Variants in PRKCQ observed in about 807,000 individuals in gnomAD.
PRKCQ encodes the protein protein kinase C theta.
A neutral mutation model predicts 91.2 loss-of-function variants in PRKCQ; 41 were observed. The ratio of observed to expected loss-of-function variants is 0.45; its 90% CI spans 0.35 to 0.58. PRKCQ has a LOEUF of 0.58. Ranked by LOEUF, PRKCQ falls within the 20% of genes least tolerant of loss-of-function variation. PRKCQ has a pLI of 0.00. For missense variants in PRKCQ, 673 were observed against 896.5 expected (o/e 0.75, Z 3.18); for synonymous variants, 307 against 316.9 (o/e 0.97, Z 0.33).
At chr10:6,492,974 A>G (rs745708602) in intron 7 of PRKCQ, among the ~76,000 whole-genome samples, 1 of 152,092 alleles carries the variant, frequency 6.6e-6, no homozygotes, top group Non-Finnish European at 1.5e-5. Context: ...ATTGCTCAGC[A>G]CTTACTACAG....
intron 2 of PRKCQ, among the ~76,000 whole-genome samples, chr10:6,511,812 A>G (rs549229204): frequency 1.4e-4 from 21 of 152,292 alleles, no homozygotes; most frequent in African/African-American, 5.1e-4. Flanking sequence ...AACTCAGATA[A>G]AACAAATGTA....
In PRKCQ at chr10:6,550,937, C is replaced by T. The variant is rs368691181; in HGVS notation, c.-10+29274G>A. Among the ~76,000 whole-genome samples the T allele has an allele frequency of 1.7e-4, 26 of 152,292 alleles. No individual in the cohort carries two copies. In the East Asian group the frequency reaches 2.3e-3, roughly 14 times the overall value. The stretch of plus-strand genomic sequence containing the variant: ...AAGGCAATATCTCCTTTGATTTGCA[C>T]TTCTCTAATGGGATTATAATTTGTA... On this transcript the variant is annotated intron_variant, in intron 1 of 17. Transcript: ENST00000263125.
At chr10:6,496,828 C>A (rs1837637868) in intron 7 of PRKCQ, among the ~76,000 whole-genome samples, 1 of 152,088 alleles carries the variant, frequency 6.6e-6, no homozygotes, top group Non-Finnish European at 1.5e-5. Flanking sequence ...GCTTATGCCA[C>A]CAGGCCTGGC....
In PRKCQ at chr10:6,559,044, C is replaced by T. The variant is rs78495656; in HGVS notation, c.-10+21167G>A. On this transcript the variant is annotated intron_variant, in intron 1 of 17. Coordinates refer to ENST00000263125, the MANE Select transcript of PRKCQ (RefSeq NM_006257.5). Reference sequence around the variant, plus strand: ...ATGAGTGGGAATTAATCAGGCAATTCTTGGGGTTCTTTCTACTCATTGGCC... The same window carrying T: ...ATGAGTGGGAATTAATCAGGCAATTTTTGGGGTTCTTTCTACTCATTGGCC... Among the ~76,000 whole-genome samples the T allele has an allele frequency of 9.0e-3, 1,365 of 152,266 alleles. 18 individuals carry two copies. The highest frequency in any genetic ancestry group is 0.031 in the African/African-American group (1,284 of 41,528).
intron 1 of PRKCQ, among the ~76,000 whole-genome samples, chr10:6,530,931 T>G (rs1249479194): frequency 6.6e-6 from 1 of 152,232 alleles, no homozygotes; most frequent in African/African-American, 2.4e-5. Context: ...CTGTGACGTT[T>G]CAGAGTTACT....
At chr10:6,563,164 A>G (rs775463972) in intron 1 of PRKCQ, among the ~76,000 whole-genome samples, 11 of 151,964 alleles carry the variant, frequency 7.2e-5, no homozygotes, top group Non-Finnish European at 1.6e-4. Context: ...GAGTGAAGAT[A>G]TTCAGTCGAA....
chr10:6,460,647 A>G (rs745929564), intron 14 of PRKCQ, among the ~76,000 whole-genome samples: 6 of 152,160 alleles, frequency 3.9e-5, no homozygotes, highest in Non-Finnish European at 5.9e-5. Context: ...AAGGGCCACT[A>G]CACCCAGCTA....
At position 6,575,842 on chromosome 10, in the gene PRKCQ, C is replaced by A. The variant is rs1588441397; in HGVS notation, c.-10+4369G>T. 2.0e-5 allele frequency among the ~76,000 whole-genome samples: 3 copies of A among 152,276 alleles called. No homozygotes were observed. The South Asian group carries it at 6.2e-4, about 32-fold the overall frequency. On this transcript the variant is annotated intron_variant, in intron 1 of 17. Coordinates refer to ENST00000263125, the MANE Select transcript of PRKCQ (RefSeq NM_006257.5). ...GGATCATGAGGTCAAGAGATCGAGA[C>A]CATCTTGGCCAACATGGTGAAACCC...
chr10:6,484,427 A>C (rs577725362), intron 10 of PRKCQ, among the ~76,000 whole-genome samples: 1 of 152,122 alleles, frequency 6.6e-6, no homozygotes, highest in Non-Finnish European at 1.5e-5. Flanking sequence ...AAAAGAAAAA[A>C]AAAAGATGCT....
At chr10:6,545,393 A>T (rs1234232487) in intron 1 of PRKCQ, among the ~76,000 whole-genome samples, 1 of 152,260 alleles carries the variant, frequency 6.6e-6, no homozygotes, top group Non-Finnish European at 1.5e-5. Context: ...GTTAAACTGG[A>T]ATATTCTTGA....
At chr10:6,563,027 G>C (rs1249191693) in intron 1 of PRKCQ, among the ~76,000 whole-genome samples, 1 of 151,878 alleles carries the variant, frequency 6.6e-6, no homozygotes, top group African/African-American at 2.4e-5. Flanking sequence ...TTCTTTCAAG[G>C]TGGGCTTCCT....
chr10:6,450,362 T>A (rs1380630682), intron 15 of PRKCQ, among the ~76,000 whole-genome samples: 2 of 125,026 alleles, frequency 1.6e-5, no homozygotes, highest in Non-Finnish European at 3.3e-5. Flanking sequence ...AAGGGATCAA[T>A]TCAACAAGAA....
the PRKCQ span, among the ~76,000 whole-genome samples, chr10:6,400,551 C>T: frequency 1.3e-5 from 2 of 151,766 alleles, no homozygotes; most frequent in South Asian, 2.1e-4. Flanking sequence ...AGCAATCCCA[C>T]GTCCCGTGTC....
chr10:6,488,909 A>G (rs1837097210), intron 8 of PRKCQ, among the ~76,000 whole-genome samples: 1 of 151,848 alleles, frequency 6.6e-6, no homozygotes, highest in South Asian at 2.1e-4. Context: ...CCTCTTGTGT[A>G]GCTGAGACCA....
intron 16 of PRKCQ, among the ~76,000 whole-genome samples, chr10:6,432,904 TC>T (rs1473410880): frequency 1.3e-5 from 2 of 152,042 alleles, no homozygotes; most frequent in Non-Finnish European, 2.9e-5. Context: ...GACTCCTGCT[TC>T]CCTCCCCTCA....
chr10:6,523,552 A>C (rs1483027281), intron 1 of PRKCQ, among the ~76,000 whole-genome samples: 1 of 152,222 alleles, frequency 6.6e-6, no homozygotes, highest in Non-Finnish European at 1.5e-5. Context: ...GTCAACCCTC[A>C]GTCAGAACTA....
chr10:6,453,569 G>A (rs1834830217), intron 15 of PRKCQ, among the ~76,000 whole-genome samples: 1 of 152,090 alleles, frequency 6.6e-6, no homozygotes, highest in Admixed American at 6.5e-5. Context: ...CCCATTACTG[G>A]GTATATACCC....
intron 1 of PRKCQ, among the ~76,000 whole-genome samples, chr10:6,538,567 C>T (rs1324259217): frequency 6.6e-6 from 1 of 152,234 alleles, no homozygotes; most frequent in Non-Finnish European, 1.5e-5. Flanking sequence ...TTTAGAACAT[C>T]TAGTCGGCAC....
At chr10:6,394,371 G>A in the PRKCQ span, among the ~76,000 whole-genome samples, 1 of 152,232 alleles carries the variant, frequency 6.6e-6, no homozygotes, top group African/African-American at 2.4e-5. Context: ...TCAGGTTCTT[G>A]AACTAGGTCA....
Sources: gnomAD v4.1 joint callset for allele counts (sites outside exome capture counted in the v4.1 genomes callset) on GRCh38, gnomAD v4.1.1 for gene constraint, MANE v1.5 for transcripts, NCBI Gene and HGNC (gene_info 2026-07-23, HGNC 2026-07-21) for gene names.